KSR2: variants seen among roughly 807,000 people sequenced by gnomAD.
The protein encoded by KSR2 is kinase suppressor of ras 2.
A neutral mutation model predicts 107.8 loss-of-function variants in KSR2; 25 were observed. That is an observed-to-expected ratio of 0.23 (90% CI 0.17 to 0.32). The LOEUF (loss-of-function observed/expected upper bound fraction) is 0.32, where lower values mean the gene tolerates loss of function less well. Ranked by LOEUF, KSR2 falls within the 10% of genes least tolerant of loss-of-function variation. The pLI is 1.00. For missense variants in KSR2, 887 were observed against 1,268.9 expected, an observed-to-expected ratio of 0.70 and a Z score of 4.57; for synonymous variants, 480 against 507.0, an observed-to-expected ratio of 0.95 and a Z score of 0.71.
chr12:117,760,180 T>C (rs1258639493), intron 4 of KSR2, among the ~76,000 whole-genome samples: 3 of 152,242 alleles, frequency 2.0e-5, no homozygotes, highest in African/African-American at 7.2e-5. Flanking sequence ...CTGTGTTTAC[T>C]CATTTGTCTA....
chr12:117,798,107 C>T (rs746639168), intron 3 of KSR2, among the ~76,000 whole-genome samples: 1 of 152,184 alleles, frequency 6.6e-6, no homozygotes, highest in Admixed American at 6.5e-5. Flanking sequence ...TTTCTTCTCA[C>T]CTTTGAAGCA....
intron 5 of KSR2, among the ~76,000 whole-genome samples, chr12:117,602,603 T>C (rs879784035): frequency 2.6e-5 from 4 of 152,278 alleles, no homozygotes; most frequent in Non-Finnish European, 4.4e-5. Context: ...TAATATTTCA[T>C]TGTGTGATAC....
intron 6 of KSR2, 107 bp downstream of exon 6, chr12:117,582,183 C>A: frequency 1.1e-6 from 1 of 881,688 alleles, no homozygotes; most frequent in South Asian, 1.5e-5. Flanking sequence ...GATGTAGGTG[C>A]TGGAGCTCAA....
chr12:117,730,232 G>A (rs1887606007), intron 4 of KSR2, among the ~76,000 whole-genome samples: 1 of 152,180 alleles, frequency 6.6e-6, no homozygotes, highest in Non-Finnish European at 1.5e-5. Context: ...TGAGCAAGGA[G>A]ATGTGATCTT....
At chr12:117,697,396 A>C (rs2136601265) in intron 4 of KSR2, among the ~76,000 whole-genome samples, 1 of 152,330 alleles carries the variant, frequency 6.6e-6, no homozygotes, top group East Asian at 1.9e-4. Flanking sequence ...ATGAAAGTTC[A>C]AGACGCTATC....
chr12:117,473,236 C>T (rs2137118466), intron 17 of KSR2, among the ~76,000 whole-genome samples: 1 of 152,306 alleles, frequency 6.6e-6, no homozygotes, highest in African/African-American at 2.4e-5. Context: ...GTGGCACGCC[C>T]CCTCTGGGAA....
intron 3 of KSR2, among the ~76,000 whole-genome samples, chr12:117,804,367 C>T (rs1890941424): frequency 3.3e-5 from 5 of 152,180 alleles, no homozygotes; most frequent in African/African-American, 1.2e-4. Flanking sequence ...CCTGATTTCA[C>T]ACTACAATGG....
chr12:117,522,513 A>T (rs1814089487), intron 14 of KSR2, among the ~76,000 whole-genome samples: 1 of 152,190 alleles, frequency 6.6e-6, no homozygotes, highest in African/African-American at 2.4e-5. Flanking sequence ...AAGAAAGGGA[A>T]GGAAAGGGAG....
Position 117,641,842 on chromosome 12 carries a change from C to T in KSR2, c.1171+25632G>A, listed in dbSNP as rs536026250. Among the ~76,000 whole-genome samples, 17 of 152,192 alleles carry T rather than the reference C, an allele frequency of 1.1e-4. 1 individual carries two copies. The South Asian group carries it at 2.5e-3, about 22-fold the overall frequency. ...AAGGCTTGTGAGCTTCCCTCAGGTC[C>T]GAGATGAAAGCCTGGATACTAAACT... On this transcript the variant is annotated intron_variant, in intron 5 of 19. Transcript: ENST00000339824.
intron 5 of KSR2, among the ~76,000 whole-genome samples, chr12:117,648,915 C>T (rs191385115): frequency 6.6e-6 from 1 of 152,292 alleles, no homozygotes; most frequent in East Asian, 1.9e-4. Context: ...AAAACATGCC[C>T]AACCAATCAG....
In KSR2 at chr12:117,677,463, G is replaced by A. The variant is rs117308185; in HGVS notation, c.987-9805C>T. 2.3e-3 allele frequency among the ~76,000 whole-genome samples: 346 copies of A among 152,286 alleles called. 9 individuals carry two copies. The East Asian group carries it at 0.057, about 25-fold the overall frequency. ...CAAGACACAGAGAGAGGCCTCAGGA[G>A]AAACCAACCCTGCCAACACCTCGAT... On this transcript the variant is annotated intron_variant, in intron 4 of 19. Transcript: ENST00000339824.
At chr12:117,645,895 GT>G (rs1565942315) in intron 5 of KSR2, among the ~76,000 whole-genome samples, 12 of 151,114 alleles carry the variant, frequency 7.9e-5, no homozygotes, top group African/African-American at 2.9e-4. Context: ...GTGTGTGTGT[GT>G]GTGTGTGTGT....
intron 4 of KSR2, among the ~76,000 whole-genome samples, chr12:117,714,983 T>C (rs1794182270): frequency 6.6e-6 from 1 of 152,056 alleles, no homozygotes; most frequent in African/African-American, 2.4e-5. Flanking sequence ...ATCTAGAAAT[T>C]CCACCCAATG....
chr12:117,506,666 A>G (rs974113861), intron 14 of KSR2, among the ~76,000 whole-genome samples: 8 of 152,220 alleles, frequency 5.3e-5, no homozygotes, highest in African/African-American at 2.4e-5. Flanking sequence ...CAAAGTCTAT[A>G]GGATTCCAGA....
At chr12:117,915,264 G>A (rs912849456) in intron 1 of KSR2, among the ~76,000 whole-genome samples, 1 of 152,154 alleles carries the variant, frequency 6.6e-6, no homozygotes. Flanking sequence ...TTCTGGAGAG[G>A]GTCCCCCTCA....
intron 4 of KSR2, among the ~76,000 whole-genome samples, chr12:117,688,078 C>T (rs1454850151): frequency 8.5e-6 from 1 of 118,200 alleles, no homozygotes; most frequent in African/African-American, 2.8e-5. Flanking sequence ...GCTGAATTCC[C>T]TTTTAAAAAA....
At chr12:117,543,113 A>G (rs916000261) in intron 9 of KSR2, among the ~76,000 whole-genome samples, 34 of 152,352 alleles carry the variant, frequency 2.2e-4, no homozygotes, top group East Asian at 5.8e-4. Context: ...ATGTGAACAT[A>G]TGTTTTTATT....
chr12:117,627,302 T>C (rs1007528897), intron 5 of KSR2, among the ~76,000 whole-genome samples: 1 of 152,210 alleles, frequency 6.6e-6, no homozygotes, highest in African/African-American at 2.4e-5. Context: ...GCATTAGTGG[T>C]CTTTATAATT....
chr12:117,751,547 G>A (rs1057202251), intron 4 of KSR2, among the ~76,000 whole-genome samples: 1 of 152,152 alleles, frequency 6.6e-6, no homozygotes, highest in African/African-American at 2.4e-5. Flanking sequence ...CTCACGGAAT[G>A]GATCTGAAAT....
Sources: gnomAD v4.1 joint callset for allele counts (sites outside exome capture counted in the v4.1 genomes callset) on GRCh38, gnomAD v4.1.1 for gene constraint, MANE v1.5 for transcripts, NCBI Gene and HGNC (gene_info 2026-07-23, HGNC 2026-07-21) for gene names.